Variants in DGKG observed in about 807,000 individuals in gnomAD.
DGKG encodes diacylglycerol kinase gamma, also known as DAG kinase gamma.
In DGKG, 78 loss-of-function variants were observed where a neutral mutation model predicts 105.3. That is an observed-to-expected ratio of 0.74 (90% confidence interval 0.62 to 0.89). The LOEUF is 0.89. Ranked by LOEUF, DGKG falls within the 40% of genes least tolerant of loss-of-function variation. The pLI, the probability that DGKG is intolerant of heterozygous loss-of-function variation, is 0.00. For synonymous variants in DGKG, 346 were observed against 367.1 expected (o/e 0.94, Z 0.66); for missense variants, 958 against 1,020.1 (o/e 0.94, Z 0.83).
In DGKG at chr3:186,242,325, C is replaced by T. The variant is rs547406680; in HGVS notation, c.1826+179G>A. Among the ~76,000 whole-genome samples, 11 of 152,326 alleles carry T rather than the reference C, an allele frequency of 7.2e-5. No individual in the cohort carries two copies. The East Asian group carries it at 1.5e-3, about 21-fold the overall frequency. On this transcript the variant is annotated intron_variant, in intron 20 of 24. Coordinates refer to ENST00000265022, the MANE Select transcript of DGKG (RefSeq NM_001346.3). The stretch of plus-strand genomic sequence containing the variant: ...TGGGAGAGGACAGGCAGTTAGCCTG[C>T]GCCAAGTTTCTGACACTTTTTTTTT...
intron 1 of DGKG, among the ~76,000 whole-genome samples, chr3:186,324,390 C>T (rs964330314): frequency 1.3e-5 from 2 of 151,600 alleles, no homozygotes; most frequent in Non-Finnish European, 2.9e-5. Flanking sequence ...TTAATATATG[C>T]AACAAACATA....
In DGKG at chr3:186,211,778, C is replaced by T. The variant is rs1160436351; in HGVS notation, c.1917+17G>A. The stretch of plus-strand genomic sequence containing the variant: ...GAACCAAGATCCAGGAAGCCTTCTC[C>T]CCACTTGGGAACTTACCTCCAACTC... On this transcript the variant is annotated intron_variant, in intron 21 of 24. Coordinates refer to ENST00000265022, the MANE Select transcript of DGKG (RefSeq NM_001346.3). 1.9e-6 allele frequency: 3 copies of T among 1,604,498 alleles called. No individual in the cohort carries two copies. The highest frequency in any genetic ancestry group is 1.7e-5 in the Admixed American group (1 of 60,004).
At chr3:186,328,260 G>T (rs566047487) in intron 1 of DGKG, among the ~76,000 whole-genome samples, 4 of 152,306 alleles carry the variant, frequency 2.6e-5, no homozygotes, top group African/African-American at 9.6e-5. Flanking sequence ...AGAATCCTAT[G>T]TATTTCTCTA....
At chr3:186,199,535 CAG>C (rs1486546437) in intron 21 of DGKG, among the ~76,000 whole-genome samples, 1 of 152,016 alleles carries the variant, frequency 6.6e-6, no homozygotes, top group Non-Finnish European at 1.5e-5. Context: ...TTTTTTGAGA[CAG>C]AGTCTTGCTC....
At chr3:186,342,623 A>G (rs1726140168) in intron 1 of DGKG, among the ~76,000 whole-genome samples, 1 of 152,024 alleles carries the variant, frequency 6.6e-6, no homozygotes, top group Non-Finnish European at 1.5e-5. Flanking sequence ...GACCAACAGA[A>G]AGACCCTGCT....
chr3:186,342,342 C>T (rs936085029), intron 1 of DGKG, among the ~76,000 whole-genome samples: 9 of 152,062 alleles, frequency 5.9e-5, no homozygotes, highest in African/African-American at 1.7e-4. Context: ...GGCCGCTTGG[C>T]CACAGGAAGA....
chr3:186,273,750 G>T (rs1345337695), intron 10 of DGKG, among the ~76,000 whole-genome samples: 2 of 152,174 alleles, frequency 1.3e-5, no homozygotes, highest in Non-Finnish European at 2.9e-5. Context: ...GACTTCTGTG[G>T]CTGAGGTCAC....
intron 20 of DGKG, among the ~76,000 whole-genome samples, chr3:186,213,241 G>A (rs1243937522): frequency 6.6e-6 from 1 of 152,260 alleles, no homozygotes; most frequent in Non-Finnish European, 1.5e-5. Context: ...TGTACTGTAA[G>A]CAGACCGGTG....
chr3:186,347,729 C>A (rs1396778663), intron 1 of DGKG, among the ~76,000 whole-genome samples: 1 of 151,984 alleles, frequency 6.6e-6, no homozygotes, highest in East Asian at 2.0e-4. Flanking sequence ...ATTATAGATG[C>A]CCACCACCAC....
At position 186,288,762 on chromosome 3, in the gene DGKG, A is replaced by G. The variant is rs1210499099; in HGVS notation, c.492T>C (p.Val164=). The G allele has an allele frequency of 1.9e-6, 3 of 1,614,168 alleles. No homozygotes were observed. The highest frequency in any genetic ancestry group is 1.6e-4 in the Middle Eastern group (1 of 6,062). The part of the protein sequence containing the change: ...SESPVVYLKD[V]VCYLSLLETG... ...TCTCCAGCAGGGACAGGTAGCACAC[A>G]ACATCCTTCAGGTATACCACTGGGG... The change falls in exon 6 of 25, where the codon GTT becomes GTC. Residue 164 remains valine, a synonymous_variant. Transcript: ENST00000265022.
At chr3:186,298,254 T>C (rs1723694592) in intron 3 of DGKG, 25 bp from the exon 4 acceptor site, 6 of 1,556,692 alleles carry the variant, frequency 3.9e-6, no homozygotes, top group Middle Eastern at 1.7e-4. Context: ...AAGGGCAAAG[T>C]CAGTGGAGAG....
intron 2 of DGKG, among the ~76,000 whole-genome samples, chr3:186,317,119 C>T (rs1360900459): frequency 1.3e-5 from 2 of 152,248 alleles, no homozygotes; most frequent in Non-Finnish European, 2.9e-5. Context: ...ACTCTGGTTC[C>T]TTTTCATCCC....
intron 5 of DGKG, among the ~76,000 whole-genome samples, chr3:186,295,904 C>T (rs1240121553): frequency 1.3e-5 from 2 of 151,986 alleles, no homozygotes; most frequent in Non-Finnish European, 2.9e-5. Flanking sequence ...GTCAGGAGTT[C>T]GAGACCAGCC....
At chr3:186,274,787 T>C (rs1722500060) in intron 10 of DGKG, among the ~76,000 whole-genome samples, 1 of 152,116 alleles carries the variant, frequency 6.6e-6, no homozygotes, top group Admixed American at 6.6e-5. Flanking sequence ...CAATCTATCA[T>C]TGATGGACAT....
intron 22 of DGKG, among the ~76,000 whole-genome samples, chr3:186,177,886 T>A (rs1210257639): frequency 1.3e-5 from 2 of 152,236 alleles, no homozygotes; most frequent in Non-Finnish European, 2.9e-5. Flanking sequence ...ATGGACTGAA[T>A]GTTTGTGTTC....
chr3:186,263,485 T>C (rs987193012), intron 14 of DGKG, among the ~76,000 whole-genome samples: 1 of 152,024 alleles, frequency 6.6e-6, no homozygotes, highest in Admixed American at 6.6e-5. Context: ...GAGAATCGCT[T>C]GAACCCGGGA....
At chr3:186,192,572 C>A (rs1332844105) in intron 21 of DGKG, among the ~76,000 whole-genome samples, 1 of 152,122 alleles carries the variant, frequency 6.6e-6, no homozygotes. Flanking sequence ...ACTGACAGGG[C>A]CTCTTAGGGG....
At chr3:186,281,084 ATACT>A (rs1722809383) in intron 7 of DGKG, 1 of 202,134 alleles carries the variant, frequency 4.9e-6, no homozygotes, top group African/African-American at 2.3e-5. Flanking sequence ...GCTTCCACAA[ATACT>A]TACAAATCAA....
In DGKG at chr3:186,249,075, T is replaced by TG. The variant is rs1340618532; in HGVS notation, c.1761+2683dup. On this transcript the variant is annotated intron_variant, in intron 19 of 24. Coordinates refer to ENST00000265022, the MANE Select transcript of DGKG (RefSeq NM_001346.3). Reference sequence around the variant, plus strand: ...AGCTGAAGGCTGCACATGTTCCTGCTGGGGGAAGCGGAGCCTGAACAGCCG... The same window carrying TG: ...AGCTGAAGGCTGCACATGTTCCTGCTGGGGGGAAGCGGAGCCTGAACAGCCG... 5.9e-5 allele frequency among the ~76,000 whole-genome samples: 9 copies of TG among 152,146 alleles called. No homozygotes were observed. The East Asian group carries it at 1.7e-3, about 29-fold the overall frequency.
Sources: allele counts gnomAD v4.1 joint callset (sites outside exome capture counted in the v4.1 genomes callset), GRCh38; gene constraint gnomAD v4.1.1; transcripts MANE v1.5; gene names NCBI Gene and HGNC (gene_info 2026-07-23, HGNC 2026-07-21).